Variants in STK36 observed in about 807,000 individuals in gnomAD.
STK36 encodes serine/threonine-protein kinase 36.
In STK36, 116 loss-of-function variants were observed where a neutral mutation model predicts 142.2. The ratio of observed to expected loss-of-function variants is 0.82; its 90% CI spans 0.70 to 0.95. The LOEUF is 0.95. STK36 is among the 40% of genes least tolerant of loss of function. The probability of loss-of-function intolerance (pLI) is 0.00; values close to 1 mark genes in which losing one functional copy is unlikely to be tolerated. For missense variants in STK36, 1,422 were observed against 1,617.2 expected (o/e 0.88, Z 2.07); for synonymous variants, 619 against 641.7 (o/e 0.96, Z 0.53).
chr2:218,697,118 T>TGAGGCTCCCCGAG lies in STK36; in HGVS notation c.2672_2684dup (p.Ser896ProfsTer20), dbSNP rs1941263810. 6.2e-7 allele frequency: 1 copy of TGAGGCTCCCCGAG among 1,614,044 alleles called. No individual in the cohort carries two copies. The highest frequency in any genetic ancestry group is 8.5e-7 in the Non-Finnish European group (1 of 1,180,036). On this transcript the variant is annotated frameshift_variant, in exon 23 of 27. Coordinates refer to ENST00000295709, the MANE Select transcript of STK36 (RefSeq NM_015690.5). LOFTEE classifies it high-confidence loss of function. ...TTGTGGCACCGCTTCTCCATGGTCC[T>TGAGGCTCCCCGAG]GAGGCTCCCCGAGGAGGCATCTGCA...
rs550601706 is a variant in STK36 at position 218,702,263 on chromosome 2, C to T, written c.*254C>T. 2 of 372,778 alleles carry T rather than the reference C, an allele frequency of 5.4e-6. No individual in the cohort carries two copies. Among genetic ancestry groups the T allele is most frequent in the African/African-American group, 4.2e-5 (2 of 47,958 alleles). The allele number at this position is 372,778 out of a possible 1,614,324, so 23.1% of individuals were successfully genotyped here. ...TCCTTTCTTCTCTACATCCAGGGGC[C>T]TTTTCTCCAATAATGTGCCTTTAAC... On this transcript the variant is annotated 3_prime_UTR_variant, in exon 27 of 27. Transcript: ENST00000295709.
chr2:218,699,219 A>G lies in STK36; in HGVS notation c.3675A>G (p.Gly1225=). ...ALGNLGPEGL[G]EELLQCEVPQ... is the part of the protein sequence containing the mutation. Reference sequence around the variant, plus strand: ...GCAACTTGGGACCTGAAGGTTTGGGAGAGGAGCTGTTACAGTGCGAAGTAC... The same window carrying G: ...GCAACTTGGGACCTGAAGGTTTGGGGGAGGAGCTGTTACAGTGCGAAGTAC... Residue 1225 remains glycine, a synonymous_variant, in exon 26 of 27, where the codon GGA becomes GGG. Transcript: ENST00000295709. 1 of 1,613,906 alleles carries G rather than the reference A, an allele frequency of 6.2e-7. No homozygotes were observed. Among genetic ancestry groups the G allele is most frequent in the African/African-American group, 1.3e-5 (1 of 74,974 alleles).
At chr2:218,687,190 C>T (rs1347912794) in intron 11 of STK36, among the ~76,000 whole-genome samples, 1 of 152,184 alleles carries the variant, frequency 6.6e-6, no homozygotes, top group African/African-American at 2.4e-5. Context: ...AATATTTTCT[C>T]CCAGTCTGTG....
chr2:218,678,071 G>A (rs906469619), intron 6 of STK36, among the ~76,000 whole-genome samples: 19 of 152,244 alleles, frequency 1.2e-4, no homozygotes, highest in Middle Eastern at 3.4e-3. Flanking sequence ...GATTACAGGC[G>A]TGAGCCACTG....
In STK36 at chr2:218,694,183, A is replaced by G; in HGVS notation, c.2337-81A>G. 1 of 1,288,780 alleles carries G rather than the reference A, an allele frequency of 7.8e-7. No homozygotes were observed. 79.8% of individuals were successfully genotyped at this position (1,288,780 alleles called of 1,614,324 possible). A position where few individuals can be genotyped will look rare whatever the true frequency, so the allele number is the denominator to read the frequency against. On this transcript the variant is annotated intron_variant, in intron 19 of 26. Transcript: ENST00000295709. This position sits in a 1 kb window ranked among gnomAD's most constrained non-coding sequence, Gnocchi z 4.4. ...GGTAGACATGCAGCCTAGGTGAAGA[A>G]CACCATGCAAGGGAGAGGGGAGGCC...
Position 218,699,007 on chromosome 2 carries a change from A to C in STK36, c.3463A>C (p.Ser1155Arg). 2 of 1,614,150 alleles carry C rather than the reference A, an allele frequency of 1.2e-6. No individual in the cohort carries two copies. Among genetic ancestry groups the C allele is most frequent in the Non-Finnish European group, 1.7e-6 (2 of 1,180,020 alleles). The part of the protein sequence containing the change: ...GALQSQSGLL[S>R]LLLLGLGDKD... ...ACTGCAGAGCCAGTCTGGACTGCTC[A>C]GCCTTCTGCTGCTTGGGCTTGGAGA... The change falls in exon 26 of 27, where the codon AGC (serine) becomes CGC (arginine). Residue 1155 changes from serine (S) to arginine (R), a missense_variant. Coordinates refer to ENST00000295709, the MANE Select transcript of STK36 (RefSeq NM_015690.5).
intron 5 of STK36, 69 bp from the exon 6 acceptor site, chr2:218,675,960 T>A (rs1427118980): frequency 1.3e-6 from 2 of 1,583,196 alleles, no homozygotes; most frequent in African/African-American, 1.3e-5. Context: ...GATATCTCTA[T>A]GTTAGGTAGT....
At position 218,701,846 on chromosome 2, in the gene STK36, A is replaced by G. The variant is rs1308114982; in HGVS notation, c.3805-20A>G. ...TCTGAGCCTCATGTTCTGTTCTATC[A>G]TCTGTTCTCTATCCTACAGGTACTG... On this transcript the variant is annotated intron_variant, in intron 26 of 26. Coordinates refer to ENST00000295709, the MANE Select transcript of STK36 (RefSeq NM_015690.5). 1 of 1,613,408 alleles carries G rather than the reference A, an allele frequency of 6.2e-7. No homozygotes were observed. Among genetic ancestry groups the G allele is most frequent in the East Asian group, 2.2e-5 (1 of 44,868 alleles).
At position 218,693,335 on chromosome 2, in the gene STK36, C is replaced by T. The variant is rs773860390; in HGVS notation, c.2139C>T (p.His713=). ...SGLQHPILCL[H]LLKVLYSCCL... ...TGCAGCATCCCATCCTGTGCCTGCA[C>T]CTTCTCAAGGTAATCCTCTTAACTC... The change falls in exon 17 of 27, where the codon CAC becomes CAT. Residue 713 remains histidine, a synonymous_variant. Coordinates refer to ENST00000295709, the MANE Select transcript of STK36 (RefSeq NM_015690.5). 6.2e-7 allele frequency: 1 copy of T among 1,614,070 alleles called. No individual in the cohort carries two copies. The highest frequency in any genetic ancestry group is 2.2e-5 in the East Asian group (1 of 44,894).
intron 2 of STK36, chr2:218,673,386 C>T (rs968077895): frequency 1.9e-6 from 1 of 528,874 alleles, no homozygotes; most frequent in Non-Finnish European, 3.2e-6. Flanking sequence ...CAAATCAGAA[C>T]ACTTCTTCCA....
chr2:218,672,100 G>A lies in STK36; in HGVS notation c.-205G>A, dbSNP rs1559325549. 2.7e-6 allele frequency: 3 copies of A among 1,130,130 alleles called. No individual in the cohort carries two copies. The South Asian group carries it at 4.1e-5, about 15-fold the overall frequency. 70.0% of individuals were successfully genotyped at this position (1,130,130 alleles called of 1,614,324 possible). On this transcript the variant is annotated 5_prime_UTR_variant, in exon 1 of 27. Coordinates refer to ENST00000295709, the MANE Select transcript of STK36 (RefSeq NM_015690.5). ...TCCGGGTCCTTAGCCGGGCCTGATG[G>A]CCCTGAGGCAGTTCGGATGTGTCCC...
chr2:218,691,845 G>T (rs143167825), intron 14 of STK36, among the ~76,000 whole-genome samples: 1 of 152,262 alleles, frequency 6.6e-6, no homozygotes, highest in Non-Finnish European at 1.5e-5. Flanking sequence ...ACAGGCATGA[G>T]CCATTGCACC....
chr2:218,692,273 T>G lies in STK36; in HGVS notation c.1895T>G (p.Leu632Arg). 1 of 1,614,158 alleles carries G rather than the reference T, an allele frequency of 6.2e-7. No individual in the cohort carries two copies. The highest frequency in any genetic ancestry group is 8.5e-7 in the Non-Finnish European group (1 of 1,180,032). The change falls in exon 15 of 27, where the codon CTC becomes CGC. Residue 632 changes from leucine to arginine, a missense_variant. By Grantham distance (102) the Leu-to-Arg change is moderately radical. This residue lies in a region of STK36 where 962 missense variants were observed against 1,167.5 expected (regional missense o/e 0.82). Transcript: ENST00000295709. ...CTTCATGGCTTGACAGTTCCACAGC[T>G]CCCTGTCCACACTCCCCAAGGTAAC... ...GLLHGLTVPQ[L>R]PVHTPQGAPQ...
chr2:218,692,081 T>G (rs1468983597), intron 14 of STK36, 62 bp from the exon 15 acceptor site: 2 of 1,554,366 alleles, frequency 1.3e-6, no homozygotes, highest in African/African-American at 2.8e-5. Flanking sequence ...GGTTTTCTTG[T>G]TTTTTACACT....
intron 14 of STK36, 99 bp downstream of exon 14, chr2:218,690,654 A>G: frequency 1.1e-6 from 1 of 951,764 alleles, no homozygotes; most frequent in East Asian, 2.5e-5. Context: ...TCAAGTTAAT[A>G]TGACAAACAT....
chr2:218,681,526 T>C (rs1940521818), intron 10 of STK36, among the ~76,000 whole-genome samples: 1 of 152,192 alleles, frequency 6.6e-6, no homozygotes, highest in Non-Finnish European at 1.5e-5. Context: ...ATAATTCCTG[T>C]GTATACCCTT....
At chr2:218,676,360 C>T in intron 6 of STK36, 82 bp downstream of exon 6, 1 of 1,542,724 alleles carries the variant, frequency 6.5e-7, no homozygotes, top group East Asian at 2.3e-5. Flanking sequence ...AAATCCTTTT[C>T]CAGAGCTGAG....
intron 6 of STK36, among the ~76,000 whole-genome samples, chr2:218,677,877 G>A (rs928335762): frequency 6.6e-6 from 1 of 152,110 alleles, no homozygotes; most frequent in Non-Finnish European, 1.5e-5. Flanking sequence ...TGCAAGCTCC[G>A]CCCTCCAGAT....
Position 218,697,947 on chromosome 2 carries a change from T to G in STK36, c.3003T>G (p.Leu1001=). The G allele has an allele frequency of 3.1e-6, 5 of 1,614,148 alleles. No individual in the cohort carries two copies. Among genetic ancestry groups the G allele is most frequent in the Non-Finnish European group, 4.2e-6 (5 of 1,180,034 alleles). ...PFALDMDADL[L]IGVLADLRDS... Reference sequence around the variant, plus strand: ...CGCTGGACATGGATGCTGACCTCCTTATAGGTGTCTTGGCCGACCTCAGGG... The same window carrying G: ...CGCTGGACATGGATGCTGACCTCCTGATAGGTGTCTTGGCCGACCTCAGGG... The change falls in exon 25 of 27, where the codon CTT becomes CTG. Residue 1001 remains leucine, a synonymous_variant. Coordinates refer to ENST00000295709, the MANE Select transcript of STK36 (RefSeq NM_015690.5).
Sources: gnomAD v4.1 joint callset for allele counts (sites outside exome capture counted in the v4.1 genomes callset) on GRCh38, gnomAD v4.1.1 for gene constraint, gnomAD v4.1.1 regional missense constraint, Gnocchi (gnomAD v3.1) non-coding constraint, MANE v1.5 for transcripts, NCBI Gene and HGNC (gene_info 2026-07-23, HGNC 2026-07-21) for gene names.